Variants in XRRA1 observed in about 807,000 individuals in gnomAD.
XRRA1 encodes the protein X-ray radiation resistance-associated protein 1.
In XRRA1, 69 loss-of-function variants were observed where a neutral mutation model predicts 80.2. The ratio of observed to expected loss-of-function variants is 0.86; its 90% CI spans 0.71 to 1.05. The LOEUF is 1.05. Among genes scored for constraint, XRRA1 ranks in the 50% least tolerant of loss-of-function variants. XRRA1 has a pLI of 0.00. For synonymous variants in XRRA1, 348 were observed against 389.9 expected (o/e 0.89, Z 1.27); for missense variants, 967 against 976.4 (o/e 0.99, Z 0.13).
rs1342335272 is a variant in XRRA1, at chr11:74,843,187, C to A, written c.*13G>T. The A allele has an allele frequency of 6.5e-7, 1 of 1,549,656 alleles. No individual in the cohort carries two copies. Among genetic ancestry groups the A allele is most frequent in the Admixed American group, 2.0e-5 (1 of 51,096 alleles). ...CACAGGCCGGGTGGTGCACACAGCCCCCATGCACAGCTCTAGCCTTGTGAG... is the reference window on the plus strand; with the variant it reads ...CACAGGCCGGGTGGTGCACACAGCCACCATGCACAGCTCTAGCCTTGTGAG... On this transcript the variant is annotated 3_prime_UTR_variant, in exon 19 of 19. Coordinates refer to ENST00000684022, the MANE Select transcript of XRRA1 (RefSeq NM_001378157.1).
chr11:74,905,688 T>G (rs1565373293), intron 10 of XRRA1, among the ~76,000 whole-genome samples: 1 of 152,152 alleles, frequency 6.6e-6, no homozygotes, highest in Non-Finnish European at 1.5e-5. Context: ...TTCCAACTTT[T>G]ATAAACTAGC....
chr11:74,926,462 G>T (rs774286849), intron 7 of XRRA1, among the ~76,000 whole-genome samples: 7 of 152,150 alleles, frequency 4.6e-5, no homozygotes, highest in Admixed American at 6.5e-5. Context: ...ACATTTTACT[G>T]AAATTTGACT....
intron 3 of XRRA1, among the ~76,000 whole-genome samples, 158 bp from the exon 4 acceptor site, chr11:74,937,226 C>T (rs145784580): frequency 6.6e-6 from 1 of 152,072 alleles, no homozygotes; most frequent in Non-Finnish European, 1.5e-5. Flanking sequence ...AGATATCTAC[C>T]TATCTATGTC....
chr11:74,865,638 CCTGT>C (rs771818845), intron 10 of XRRA1, among the ~76,000 whole-genome samples: 1 of 152,212 alleles, frequency 6.6e-6, no homozygotes, highest in Non-Finnish European at 1.5e-5. Context: ...GTGACATACA[CCTGT>C]CTAAGCCAAT....
At chr11:74,880,451 C>G (rs1487411152) in intron 10 of XRRA1, among the ~76,000 whole-genome samples, 2 of 149,570 alleles carry the variant, frequency 1.3e-5, no homozygotes, top group Non-Finnish European at 3.0e-5. Context: ...TTTTTTGTGT[C>G]TCTATTTCCT....
chr11:74,881,979 ATG>A lies in XRRA1; in HGVS notation c.1004-18960_1004-18959del, dbSNP rs1220493232. ...TTCAACTTTGGTGAATCTGACAATT[ATG>A]TGTCTTGGAGTTGCTCTTCTCAAGG... On this transcript the variant is annotated intron_variant, in intron 10 of 18. Coordinates refer to ENST00000684022, the MANE Select transcript of XRRA1 (RefSeq NM_001378157.1). Among the ~76,000 whole-genome samples the A allele has an allele frequency of 2.1e-5, 3 of 144,944 alleles. 1 individual carries two copies. The highest frequency in any genetic ancestry group is 2.1e-4 in the Admixed American group (3 of 14,514).
chr11:74,927,610 A>C, intron 6 of XRRA1, 122 bp from the exon 7 acceptor site: 1 of 560,394 alleles, frequency 1.8e-6, no homozygotes, highest in East Asian at 3.1e-5. Flanking sequence ...GGTACTTTAC[A>C]TACATGGCCT....
At chr11:74,876,608 A>G (rs1009185409) in intron 10 of XRRA1, 3 of 152,136 alleles carry the variant, frequency 2.0e-5, no homozygotes, top group Admixed American at 1.3e-4. Context: ...GAAGGGCCCT[A>G]CACTGTTCTT....
chr11:74,899,654 G>T (rs1160698417), intron 10 of XRRA1, among the ~76,000 whole-genome samples: 2 of 152,132 alleles, frequency 1.3e-5, no homozygotes, highest in Non-Finnish European at 2.9e-5. Context: ...GGAAAATCTA[G>T]AAGAAATGGA....
At chr11:74,919,358 A>G (rs1055056080) in intron 8 of XRRA1, among the ~76,000 whole-genome samples, 3 of 152,212 alleles carry the variant, frequency 2.0e-5, no homozygotes, top group African/African-American at 7.2e-5. Flanking sequence ...GGTGATAGGT[A>G]CCTGGAGTCA....
rs1371477875 is a variant in XRRA1, at chr11:74,851,917, AGGT to A, written c.1264+69_1264+71del. On this transcript the variant is annotated intron_variant, in intron 13 of 18. Transcript: ENST00000684022. The stretch of plus-strand genomic sequence containing the variant: ...TAGATCCCAGGGCTTGGCATTGATG[AGGT>A]GGGGATGAGGGTGCCACACTGCTCC... 10 of 1,273,254 alleles carry A rather than the reference AGGT, an allele frequency of 7.9e-6. No individual in the cohort carries two copies. In the East Asian group the frequency reaches 2.3e-4, roughly 30 times the overall value. The allele number at this position is 1,273,254 out of a possible 1,614,324, so 78.9% of individuals were successfully genotyped here.
intron 12 of XRRA1, among the ~76,000 whole-genome samples, chr11:74,854,770 A>G (rs1017005014): frequency 6.6e-6 from 1 of 152,162 alleles, no homozygotes; most frequent in African/African-American, 2.4e-5. Flanking sequence ...CTATAATCCC[A>G]ACACTTTGGG....
intron 5 of XRRA1, among the ~76,000 whole-genome samples, chr11:74,930,998 G>T (rs547620471): frequency 6.9e-4 from 105 of 152,072 alleles, no homozygotes; most frequent in African/African-American, 2.5e-3. Flanking sequence ...GCTGAGATGG[G>T]GTTTTGCCAT....
intron 10 of XRRA1, among the ~76,000 whole-genome samples, chr11:74,896,965 G>A (rs187161225): frequency 1.6e-4 from 25 of 152,160 alleles, no homozygotes; most frequent in Non-Finnish European, 5.9e-5. Context: ...TAAATCACCA[G>A]AGACATTTAA....
At chr11:74,924,367 G>A (rs371338858) in intron 7 of XRRA1, among the ~76,000 whole-genome samples, 3 of 151,308 alleles carry the variant, frequency 2.0e-5, no homozygotes, top group East Asian at 3.9e-4. Flanking sequence ...CCAGCTACAC[G>A]GGAGGCTGAG....
chr11:74,843,587 C>G, intron 18 of XRRA1, 134 bp from the exon 19 acceptor site: 1 of 1,288,482 alleles, frequency 7.8e-7, no homozygotes, highest in Non-Finnish European at 1.0e-6. Context: ...CTAAAAATGG[C>G]CTTTCCAGCT....
At chr11:74,865,000 AC>A (rs1322348641) in intron 10 of XRRA1, among the ~76,000 whole-genome samples, 3 of 151,672 alleles carry the variant, frequency 2.0e-5, no homozygotes, top group Non-Finnish European at 2.9e-5. Context: ...TCTAGCCTTT[AC>A]CCTACAGCAA....
intron 10 of XRRA1, among the ~76,000 whole-genome samples, chr11:74,903,077 A>T (rs2053877849): frequency 6.6e-6 from 1 of 152,224 alleles, no homozygotes; most frequent in Admixed American, 6.5e-5. Flanking sequence ...AAAGTAAGAT[A>T]ATACCAAGTA....
intron 10 of XRRA1, among the ~76,000 whole-genome samples, chr11:74,875,639 C>T (rs1044979058): frequency 1.3e-5 from 2 of 152,062 alleles, no homozygotes; most frequent in East Asian, 1.9e-4. Flanking sequence ...AGCACTTTGG[C>T]GGGTGGATCA....
Sources: gnomAD v4.1 joint callset for allele counts (sites outside exome capture counted in the v4.1 genomes callset) on GRCh38, gnomAD v4.1.1 for gene constraint, MANE v1.5 for transcripts, NCBI Gene and HGNC (gene_info 2026-07-23, HGNC 2026-07-21) for gene names.